Variants in ATP13A4 observed in about 807,000 individuals in gnomAD.
The protein encoded by ATP13A4 is ATPase 13A4, also known as probable cation-transporting ATPase 13A4.
In ATP13A4, 114 loss-of-function variants were observed where a neutral mutation model predicts 142.5. The observed-to-expected ratio is 0.80, with a 90% CI of 0.69 to 0.93. The LOEUF is 0.93. ATP13A4 is among the 40% of genes least tolerant of loss of function. The pLI is 0.00. For synonymous variants in ATP13A4, 488 were observed against 514.8 expected, an observed-to-expected ratio of 0.95 and a Z score of 0.70; for missense variants, 1,392 against 1,454.0, an observed-to-expected ratio of 0.96 and a Z score of 0.69.
intron 29 of ATP13A4, among the ~76,000 whole-genome samples, chr3:193,406,386 T>C (rs959901768): frequency 1.3e-5 from 2 of 152,140 alleles, no homozygotes; most frequent in Non-Finnish European, 2.9e-5. Flanking sequence ...GAACACTCCA[T>C]TTGCAGGAAT....
At chr3:193,519,955 A>AT (rs1372372123) in intron 1 of ATP13A4, among the ~76,000 whole-genome samples, 2 of 151,462 alleles carry the variant, frequency 1.3e-5, no homozygotes, top group African/African-American at 4.8e-5. Flanking sequence ...TGCAATTTCT[A>AT]TTTTTTGCTT....
chr3:193,547,755 ACTCAGAAGGGCCCTACG>A (rs1723307847), intron 1 of ATP13A4, among the ~76,000 whole-genome samples: 1 of 151,690 alleles, frequency 6.6e-6, no homozygotes, highest in African/African-American at 2.4e-5. Context: ...CAGGGCCCAC[ACTCAGAAGGGCCCTACG>A]CTCAGAAGGT....
intron 1 of ATP13A4, among the ~76,000 whole-genome samples, chr3:193,517,714 A>T (rs898663451): frequency 1.3e-5 from 2 of 151,466 alleles, no homozygotes; most frequent in African/African-American, 4.9e-5. Flanking sequence ...TCATCTCCTG[A>T]CCTCGTGATC....
At chr3:193,474,734 A>G (rs7429016) in intron 8 of ATP13A4, among the ~76,000 whole-genome samples, 5 of 41,764 alleles carry the variant, frequency 1.2e-4, no homozygotes, top group African/African-American at 3.4e-4. Flanking sequence ...AAGAAAGAGA[A>G]AGAAAGAAAG....
chr3:193,584,529 G>T (rs1320040789), intron 1 of ATP13A4, among the ~76,000 whole-genome samples: 1 of 152,006 alleles, frequency 6.6e-6, no homozygotes, highest in African/African-American at 2.4e-5. Flanking sequence ...AGCACACAAG[G>T]CTCTTTGCCT....
Position 193,457,390 on chromosome 3 carries a change from T to C in ATP13A4, c.1750A>G (p.Thr584Ala), listed in dbSNP as rs1353084001. ...AHAMVVKPCR[T>A]ASQVPVEGIA... is the part of the protein sequence containing the mutation. ...CAAGCAGGGCTTACCTGGCTGGCTG[T>C]TCTGCAGGGCTTAACTACCATGGCA... Residue 584 changes from threonine to alanine, a missense_variant, in exon 15 of 30, where the codon ACA becomes GCA. Thr to Ala is a moderately conservative substitution (Grantham distance 58). Transcript: ENST00000342695. 1 of 1,614,234 alleles carries C rather than the reference T, an allele frequency of 6.2e-7. No individual in the cohort carries two copies.
intron 1 of ATP13A4, among the ~76,000 whole-genome samples, chr3:193,546,690 C>A (rs1192742608): frequency 6.6e-5 from 10 of 152,204 alleles, no homozygotes; most frequent in Non-Finnish European, 1.5e-4. Flanking sequence ...TTTCTACCAT[C>A]AGCAACTAAA....
chr3:193,460,785 A>G (rs562930713), intron 13 of ATP13A4, among the ~76,000 whole-genome samples: 1 of 152,358 alleles, frequency 6.6e-6, no homozygotes, highest in East Asian at 1.9e-4. Flanking sequence ...CACAGCAAAT[A>G]CATAAAGCTC....
intron 28 of ATP13A4, among the ~76,000 whole-genome samples, chr3:193,409,040 T>C (rs1576931226): frequency 6.6e-6 from 1 of 152,222 alleles, no homozygotes; most frequent in African/African-American, 2.4e-5. Flanking sequence ...CTAGTGTCAT[T>C]GGTTACCTCC....
chr3:193,592,706 C>T (rs1439569121), intron 1 of ATP13A4, among the ~76,000 whole-genome samples: 1 of 152,210 alleles, frequency 6.6e-6, no homozygotes, highest in Non-Finnish European at 1.5e-5. Flanking sequence ...ATCTGATCCT[C>T]AGAGATTCTA....
rs1267261769 is a variant in ATP13A4, at chr3:193,401,087, C to T, written c.*1565G>A. ...TCAGCTGCAATCATAGAGCCATCAG[C>T]CATGCTCAAGAGCTCAGTTAGGGGG... On this transcript the variant is annotated 3_prime_UTR_variant, in exon 30 of 30. Transcript: ENST00000342695. Among the ~76,000 whole-genome samples, 2 of 152,170 alleles carry T rather than the reference C, an allele frequency of 1.3e-5. No homozygotes were observed. The highest frequency in any genetic ancestry group is 4.8e-5 in the African/African-American group (2 of 41,430).
intron 1 of ATP13A4, among the ~76,000 whole-genome samples, chr3:193,540,527 CAAAAAAAAAA>C (rs11360543): frequency 2.2e-5 from 1 of 44,782 alleles, no homozygotes; most frequent in African/African-American, 9.0e-5. Context: ...GGCTCTCTGC[CAAAAAAAAAA>C]AAAAAAAAAA....
chr3:193,418,792 T>C (rs1341830782), intron 25 of ATP13A4: 1 of 149,996 alleles, frequency 6.7e-6, no homozygotes, highest in African/African-American at 2.5e-5. Flanking sequence ...CTGCACTATG[T>C]CATCTTGGAA....
At chr3:193,504,526 A>G (rs1468167803) in intron 2 of ATP13A4, among the ~76,000 whole-genome samples, 1 of 152,196 alleles carries the variant, frequency 6.6e-6, no homozygotes, top group East Asian at 1.9e-4. Flanking sequence ...TCTCCCATTT[A>G]GTTGGCAAGG....
intron 26 of ATP13A4, among the ~76,000 whole-genome samples, chr3:193,414,138 G>T (rs933159700): frequency 3.9e-5 from 6 of 152,168 alleles, no homozygotes; most frequent in Non-Finnish European, 5.9e-5. Flanking sequence ...TTGGGGGCAG[G>T]TTCCCCCGAT....
rs1714814581 is a variant in ATP13A4, at chr3:193,412,372, C to T, written c.3015-1G>A. On this transcript the variant is annotated splice_acceptor_variant, in intron 26 of 29. Coordinates refer to ENST00000342695, the MANE Select transcript of ATP13A4 (RefSeq NM_032279.4). LOFTEE classifies it high-confidence loss of function. ...GCTTTCATTTTGTACTGTGCAGGCA[C>T]TAAAAGGGAAAACCAAAGAAGCTAA... 1.9e-6 allele frequency: 3 copies of T among 1,613,906 alleles called. No individual in the cohort carries two copies. The highest frequency in any genetic ancestry group is 1.7e-6 in the Non-Finnish European group (2 of 1,179,932).
chr3:193,576,382 C>CT (rs1724396754), intron 2 of ATP13A4, among the ~76,000 whole-genome samples: 2 of 147,212 alleles, frequency 1.4e-5, no homozygotes, highest in South Asian at 4.3e-4. Context: ...CGCCATTCTC[C>CT]TGCCTCAGCC....
intron 1 of ATP13A4, among the ~76,000 whole-genome samples, chr3:193,519,180 T>C (rs73198994): frequency 0.043 from 6,608 of 152,266 alleles, 212 homozygotes; most frequent in Non-Finnish European, 0.067. Context: ...GGATGACATC[T>C]TCAGCACCCA....
chr3:193,440,425 A>G (rs534298172), intron 21 of ATP13A4, 133 bp downstream of exon 21: 83 of 1,503,722 alleles, frequency 5.5e-5, no homozygotes, highest in Non-Finnish European at 7.3e-5. Flanking sequence ...AAAGCTCCCA[A>G]GTGATTATCT....
Sources: gnomAD v4.1 joint callset for allele counts (sites outside exome capture counted in the v4.1 genomes callset) on GRCh38, gnomAD v4.1.1 for gene constraint, MANE v1.5 for transcripts, NCBI Gene and HGNC (gene_info 2026-07-23, HGNC 2026-07-21) for gene names.